MPHOSPH10: variants seen among roughly 807,000 people sequenced by gnomAD.
MPHOSPH10 encodes M-phase phosphoprotein 10.
A neutral mutation model predicts 77.3 loss-of-function variants in MPHOSPH10; 33 were observed. The ratio of observed to expected loss-of-function variants is 0.43; its 90% CI spans 0.32 to 0.57. The LOEUF (loss-of-function observed/expected upper bound fraction) is 0.57, where lower values mean the gene tolerates loss of function less well. Among genes scored for constraint, MPHOSPH10 ranks in the 20% least tolerant of loss-of-function variants. The pLI, the probability that MPHOSPH10 is intolerant of heterozygous loss-of-function variation, is 0.07. For missense variants in MPHOSPH10, 708 were observed against 780.1 expected, an observed-to-expected ratio of 0.91 and a Z score of 1.10; for synonymous variants, 245 against 268.0, an observed-to-expected ratio of 0.91 and a Z score of 0.84.
rs1673762142 is a variant in MPHOSPH10, at chr2:71,148,696, T to A, written c.1666-527T>A. On this transcript the variant is annotated intron_variant, in intron 9 of 10. Coordinates refer to ENST00000244230, the MANE Select transcript of MPHOSPH10 (RefSeq NM_005791.3). The stretch of plus-strand genomic sequence containing the variant: ...GCTACACCTACACTCACCCCTTCTG[T>A]CTGAGCCTCTGCCACCTCAGTGCAG... 3 of 162,502 alleles carry A rather than the reference T, an allele frequency of 1.8e-5. No individual in the cohort carries two copies. The South Asian group carries it at 5.1e-4, about 28-fold the overall frequency. 10.1% of individuals were successfully genotyped at this position (162,502 alleles called of 1,614,324 possible).
At chr2:71,141,159 G>A (rs1673602934) in intron 6 of MPHOSPH10, 73 bp from the exon 7 acceptor site, 22 of 921,278 alleles carry the variant, frequency 2.4e-5, no homozygotes, top group Non-Finnish European at 3.2e-5. Flanking sequence ...TAATATTCCA[G>A]AGGAAGATTC....
At chr2:71,149,087 G>A in intron 9 of MPHOSPH10, 136 bp from the exon 10 acceptor site, 1 of 716,162 alleles carries the variant, frequency 1.4e-6, no homozygotes, top group Middle Eastern at 4.1e-4. Context: ...AATGCAGGTG[G>A]GGATTGCTCT....
At chr2:71,142,130 C>T (rs1296104759) in intron 7 of MPHOSPH10, among the ~76,000 whole-genome samples, 2 of 152,130 alleles carry the variant, frequency 1.3e-5, no homozygotes, top group African/African-American at 4.8e-5. Flanking sequence ...TCGAATTATT[C>T]CTTCACATTT....
intron 4 of MPHOSPH10, among the ~76,000 whole-genome samples, chr2:71,135,421 C>T (rs1375302654): frequency 2.0e-5 from 3 of 150,880 alleles, no homozygotes; most frequent in Non-Finnish European, 4.4e-5. Context: ...GTGGCGGGCA[C>T]CTGTAATCCC....
At chr2:71,138,658 A>G in intron 5 of MPHOSPH10, 27 bp downstream of exon 5, 1 of 1,613,906 alleles carries the variant, frequency 6.2e-7, no homozygotes, top group Non-Finnish European at 8.5e-7. Context: ...TGTAGTTTTC[A>G]TGTCTGTGCT....
rs778430312 is a variant in MPHOSPH10, at chr2:71,149,314, G to A, written c.1757G>A (p.Arg586His). 90 of 1,612,242 alleles carry A rather than the reference G, an allele frequency of 5.6e-5. No individual in the cohort carries two copies. The highest frequency in any genetic ancestry group is 8.0e-5 in the African/African-American group (6 of 74,818). The change falls in exon 10 of 11, where the codon CGT (arginine) becomes CAT (histidine). Residue 586 changes from arginine (R) to histidine (H), a missense_variant. Coordinates refer to ENST00000244230, the MANE Select transcript of MPHOSPH10 (RefSeq NM_005791.3). ...CGAAGGAAAAAGAAATATCAAAAGC[G>A]TATGAAAATAAAAGAGAAGGAGAAG... ...RERRKKKYQK[R>H]MKIKEKEKRR... is the part of the protein sequence containing the mutation.
intron 7 of MPHOSPH10, among the ~76,000 whole-genome samples, chr2:71,141,686 A>G (rs928991026): frequency 6.6e-6 from 1 of 152,186 alleles, no homozygotes; most frequent in Non-Finnish European, 1.5e-5. Context: ...TATATTTTAC[A>G]TGATTATGAA....
intron 8 of MPHOSPH10, 133 bp from the exon 9 acceptor site, chr2:71,147,866 C>T (rs1039103846): frequency 1.5e-6 from 1 of 679,604 alleles, no homozygotes; most frequent in African/African-American, 1.8e-5. Context: ...TGCTGACTTT[C>T]AAGCAAGTGA....
intron 8 of MPHOSPH10, 102 bp from the exon 9 acceptor site, chr2:71,147,897 A>G (rs1005614684): frequency 1.2e-6 from 1 of 829,076 alleles, no homozygotes; most frequent in African/African-American, 1.7e-5. Context: ...ATCTCCATAA[A>G]GTATTTTATA....
At position 71,141,365 on chromosome 2, in the gene MPHOSPH10, A is replaced by G; in HGVS notation, c.1442A>G (p.Asn481Ser). ...TATGAACAGGAGTACATCAAACTCA[A>G]CCAGGTGAGGAAGCCTGTAAGGCCA... Reference protein sequence around the residue: ...EIYEQEYIKLNQQKTAEEENP... With the variant: ...EIYEQEYIKLSQQKTAEEENP... The change falls in exon 7 of 11, where the codon AAC becomes AGC. Residue 481 changes from asparagine to serine, a missense_variant. Transcript: ENST00000244230. 1.3e-6 allele frequency: 2 copies of G among 1,534,034 alleles called. No individual in the cohort carries two copies. The highest frequency in any genetic ancestry group is 1.8e-6 in the Non-Finnish European group (2 of 1,142,530).
intron 4 of MPHOSPH10, among the ~76,000 whole-genome samples, chr2:71,136,955 CACACAG>C (rs1346527112): frequency 3.4e-4 from 43 of 126,988 alleles, no homozygotes; most frequent in African/African-American, 1.1e-3. Context: ...CACACACACA[CACACAG>C]AGCACAGTCT....
At chr2:71,138,995 G>T (rs1170206282) in intron 5 of MPHOSPH10, 2 of 510,184 alleles carry the variant, frequency 3.9e-6, no homozygotes, top group Admixed American at 3.2e-5. Context: ...GGTTGTGCCA[G>T]TGTGCTCCAG....
At chr2:71,132,058 G>A (rs1673398186) in intron 1 of MPHOSPH10, among the ~76,000 whole-genome samples, 1 of 152,102 alleles carries the variant, frequency 6.6e-6, no homozygotes, top group Non-Finnish European at 1.5e-5. Flanking sequence ...CTACTTTAAT[G>A]TCTTCATTTT....
rs756990399 is a variant in MPHOSPH10, at chr2:71,149,961, A to G, written c.1992A>G (p.Thr664=). The part of the protein sequence containing the change: ...VKMQINDAKK[T]EKKKKKRQDI... Reference sequence around the variant, plus strand: ...TGCAAATCAATGATGCAAAGAAAACAGAAAAGAAAAAGAAGAAAAGACAGG... The same window carrying G: ...TGCAAATCAATGATGCAAAGAAAACGGAAAAGAAAAAGAAGAAAAGACAGG... The change falls in exon 11 of 11, where the codon ACA becomes ACG. Residue 664 remains threonine, a synonymous_variant. Transcript: ENST00000244230. 2 of 1,517,412 alleles carry G rather than the reference A, an allele frequency of 1.3e-6. No individual in the cohort carries two copies. Among genetic ancestry groups the G allele is most frequent in the African/African-American group, 1.4e-5 (1 of 71,536 alleles). 94.0% of individuals were successfully genotyped at this position (1,517,412 alleles called of 1,614,324 possible).
intron 6 of MPHOSPH10, among the ~76,000 whole-genome samples, chr2:71,140,505 C>T (rs1408150235): frequency 1.3e-5 from 2 of 152,198 alleles, no homozygotes; most frequent in Non-Finnish European, 1.5e-5. Context: ...GATCCAGTCA[C>T]GTCCTAGAAG....
intron 9 of MPHOSPH10, 132 bp downstream of exon 9, chr2:71,148,238 T>C: frequency 1.4e-6 from 1 of 698,746 alleles, no homozygotes. Context: ...TTTCTAAGTA[T>C]AAGCAAACTA....
At chr2:71,148,403 CAA>C (rs964746454) in intron 9 of MPHOSPH10, 9 of 261,090 alleles carry the variant, frequency 3.4e-5, no homozygotes, top group African/African-American at 1.9e-4. Context: ...AAGTTGAAAA[CAA>C]ATGGCTTGCA....
chr2:71,142,331 A>G (rs1673628338), intron 7 of MPHOSPH10, among the ~76,000 whole-genome samples: 1 of 152,238 alleles, frequency 6.6e-6, no homozygotes, highest in Non-Finnish European at 1.5e-5. Context: ...TTGCAATCCA[A>G]GGTGGTAGCT....
intron 6 of MPHOSPH10, 109 bp downstream of exon 6, chr2:71,139,971 C>A: frequency 3.8e-6 from 3 of 783,152 alleles, no homozygotes; most frequent in Non-Finnish European, 4.1e-6. Flanking sequence ...ACTTAGTGTT[C>A]ACAAACCTTA....
Sources: allele counts gnomAD v4.1 joint callset (sites outside exome capture counted in the v4.1 genomes callset), GRCh38; gene constraint gnomAD v4.1.1; transcripts MANE v1.5; gene names NCBI Gene and HGNC (gene_info 2026-07-23, HGNC 2026-07-21).